LIMA1: variants seen among roughly 807,000 people sequenced by gnomAD.
LIMA1 encodes LIM domain and actin-binding protein 1.
A neutral mutation model predicts 62.6 loss-of-function variants in LIMA1; 52 were observed. The observed-to-expected ratio is 0.83, with a 90% CI of 0.67 to 1.05. The LOEUF (loss-of-function observed/expected upper bound fraction) is 1.05. Among genes scored for constraint, LIMA1 ranks in the 50% least tolerant of loss-of-function variants. LIMA1 has a pLI of 0.00. For missense variants in LIMA1, 780 were observed against 902.2 expected (o/e 0.86, Z 1.74); for synonymous variants, 302 against 317.8 (o/e 0.95, Z 0.53).
At chr12:50,240,270 G>C (rs1565854844) in intron 2 of LIMA1, among the ~76,000 whole-genome samples, 1 of 152,134 alleles carries the variant, frequency 6.6e-6, no homozygotes, top group Non-Finnish European at 1.5e-5. Flanking sequence ...AGCTCACTGA[G>C]AGGGGAAAGG....
intron 1 of LIMA1, among the ~76,000 whole-genome samples, chr12:50,261,318 C>T (rs969611186): frequency 1.3e-5 from 2 of 151,900 alleles, no homozygotes; most frequent in African/African-American, 4.8e-5. Flanking sequence ...TCCCCAAGTG[C>T]TGGGATTAGA....
chr12:50,222,216 G>C lies in LIMA1; in HGVS notation c.435C>G (p.Ile145Met). ...EALVQGRYPH[I>M]KDGEDLKDHS... ...GGTCTTTAAGATCCTCACCGTCCTT[G>C]ATGTGGGGATATCGACCCTGAACGA... The change falls in exon 4 of 11, where the codon ATC becomes ATG. Residue 145 changes from isoleucine (I) to methionine (M), a missense_variant. Transcript: ENST00000341247. 1 of 1,614,148 alleles carries C rather than the reference G, an allele frequency of 6.2e-7. No individual in the cohort carries two copies. Among genetic ancestry groups the C allele is most frequent in the East Asian group, 2.2e-5 (1 of 44,892 alleles).
At chr12:50,234,428 C>T (rs184387315) in intron 2 of LIMA1, among the ~76,000 whole-genome samples, 13 of 152,074 alleles carry the variant, frequency 8.5e-5, no homozygotes, top group East Asian at 7.8e-4. Context: ...AGGCTTGTCT[C>T]GAACTCCTGG....
At chr12:50,230,594 G>C (rs1283305526) in intron 3 of LIMA1, among the ~76,000 whole-genome samples, 2 of 151,980 alleles carry the variant, frequency 1.3e-5, no homozygotes, top group Non-Finnish European at 2.9e-5. Flanking sequence ...TTGAGACAGA[G>C]TCTCGCTCTG....
rs769165232 is a variant in LIMA1, at chr12:50,222,353, T to C, written c.298A>G (p.Arg100Gly). Residue 100 changes from arginine to glycine, a missense_variant, in exon 4 of 11, where the codon AGA becomes GGA. Physicochemically the swap from Arg to Gly is moderately radical, Grantham distance 125 (BLOSUM62 -2). Coordinates refer to ENST00000341247, the MANE Select transcript of LIMA1 (RefSeq NM_016357.5). ...LRNSSTEIRH[R>G]ADHPPAEVTS... ...ACTTCAGCAGGAGGATGGTCTGCTC[T>C]GTGCCTAATCTCAGTGCTGCTGTTC... 3 of 1,614,172 alleles carry C rather than the reference T, an allele frequency of 1.9e-6. No individual in the cohort carries two copies. Among genetic ancestry groups the C allele is most frequent in the Non-Finnish European group, 2.5e-6 (3 of 1,180,032 alleles).
In LIMA1 at chr12:50,195,873, C is replaced by T. The variant is rs761847806; in HGVS notation, c.987G>A (p.Glu329=). 77 of 1,295,110 alleles carry T rather than the reference C, an allele frequency of 5.9e-5. No individual in the cohort carries two copies. The highest frequency in any genetic ancestry group is 6.1e-5 in the Non-Finnish European group (57 of 931,916). The allele number at this position is 1,295,110 out of a possible 1,614,324, so 80.2% of individuals were successfully genotyped here. Residue 329 remains glutamate, a synonymous_variant, in exon 8 of 11, where the codon GAG becomes GAA. Transcript: ENST00000341247. ...HQEGEKISAN[E]NSLAVRSTPA... Reference sequence around the variant, plus strand: ...GGGTGGAACGGACTGCCAGGCTATTCTCATTTGCAGAAATCTACAAAAAAA... The same window carrying T: ...GGGTGGAACGGACTGCCAGGCTATTTTCATTTGCAGAAATCTACAAAAAAA...
intron 1 of LIMA1, among the ~76,000 whole-genome samples, chr12:50,253,746 G>T (rs1237188731): frequency 1.3e-5 from 2 of 152,088 alleles, no homozygotes; most frequent in East Asian, 3.9e-4. Context: ...TGGTATTGGG[G>T]CCAGCATGGT....
intron 9 of LIMA1, 79 bp downstream of exon 9, chr12:50,192,373 A>G: frequency 1.0e-6 from 1 of 1,004,952 alleles, no homozygotes. Flanking sequence ...GTTATAATCA[A>G]CATCATCATC....
At chr12:50,261,419 C>T (rs1942072051) in intron 1 of LIMA1, among the ~76,000 whole-genome samples, 1 of 152,018 alleles carries the variant, frequency 6.6e-6, no homozygotes, top group African/African-American at 2.4e-5. Context: ...ATGGATTTTG[C>T]ACAAGCTTTT....
At chr12:50,242,039 T>G (rs1941785858) in intron 2 of LIMA1, among the ~76,000 whole-genome samples, 1 of 134,238 alleles carries the variant, frequency 7.4e-6, no homozygotes, top group South Asian at 2.6e-4. Flanking sequence ...TGCTCAGCTG[T>G]GGGGCAGGCA....
In LIMA1 at chr12:50,232,809, A is replaced by G. The variant is rs1325119924; in HGVS notation, c.120-1099T>C. Among the ~76,000 whole-genome samples the G allele has an allele frequency of 2.6e-5, 4 of 152,200 alleles. No homozygotes were observed. In the East Asian group the frequency reaches 7.7e-4, roughly 29 times the overall value. On this transcript the variant is annotated intron_variant, in intron 2 of 10. Transcript: ENST00000341247. ...CAAGACCAGCCTGGCCAGCATGGTG[A>G]AACCCCACCTCTACTAAAAATACAA...
In LIMA1 at chr12:50,248,692, G is replaced by A; in HGVS notation, c.60C>T (p.Ala20=). The change falls in exon 2 of 11, where the codon GCC becomes GCT. Residue 20 remains alanine (A), a synonymous_variant. Coordinates refer to ENST00000341247, the MANE Select transcript of LIMA1 (RefSeq NM_016357.5). ...QWTSLSLRVT[A]KELSLVNKNK... is the part of the protein sequence containing the mutation. ...TCTTGTTGACAAGAGAAAGTTCTTT[G>A]GCTGTTACCCTCAATGATAGTGAGG... 6.2e-7 allele frequency: 1 copy of A among 1,613,764 alleles called. No individual in the cohort carries two copies. The highest frequency in any genetic ancestry group is 8.5e-7 in the Non-Finnish European group (1 of 1,179,678).
chr12:50,207,231 G>C (rs563794253), intron 4 of LIMA1, among the ~76,000 whole-genome samples: 3 of 152,070 alleles, frequency 2.0e-5, no homozygotes, highest in Non-Finnish European at 4.4e-5. Flanking sequence ...GGCCAACAAA[G>C]ATTTTTTTTA....
chr12:50,261,153 C>T lies in LIMA1; in HGVS notation c.-23-12379G>A, dbSNP rs573754915. On this transcript the variant is annotated intron_variant, in intron 1 of 10. Coordinates refer to ENST00000341247, the MANE Select transcript of LIMA1 (RefSeq NM_016357.5). Reference sequence around the variant, plus strand: ...CTGCAAGCTCCGCCTCCCGGGTTCACGTCATTCTCCTGCCTTAGCCTCCCG... The same window carrying T: ...CTGCAAGCTCCGCCTCCCGGGTTCATGTCATTCTCCTGCCTTAGCCTCCCG... Among the ~76,000 whole-genome samples, 542 of 146,450 alleles carry T rather than the reference C, an allele frequency of 3.7e-3. 2 individuals are homozygous for T. The highest frequency in any genetic ancestry group is 0.013 in the African/African-American group (507 of 39,308).
intron 3 of LIMA1, among the ~76,000 whole-genome samples, chr12:50,227,263 G>C (rs1466026869): frequency 4.9e-4 from 58 of 118,474 alleles, no homozygotes; most frequent in Non-Finnish European, 4.0e-4. Context: ...TTTTGAGATG[G>C]AGTCTTGCTC....
Position 50,177,313 on chromosome 12 carries a change from C to T in LIMA1, c.2031G>A (p.Glu677=). 6.2e-7 allele frequency: 1 copy of T among 1,614,232 alleles called. No homozygotes were observed. Among genetic ancestry groups the T allele is most frequent in the African/African-American group, 1.3e-5 (1 of 75,054 alleles). ...KEGHSLEMEN[E]NLVENGADSD... is the part of the protein sequence containing the mutation. ...AGTCTGCACCATTTTCTACAAGATT[C>T]TCATTCTCCATCTCCAAACTATGAC... The change falls in exon 11 of 11, where the codon GAG becomes GAA. Residue 677 remains glutamate (E), a synonymous_variant. Transcript: ENST00000341247.
chr12:50,200,913 T>C, intron 6 of LIMA1, 29 bp from the exon 7 acceptor site: 2 of 1,608,644 alleles, frequency 1.2e-6, no homozygotes, highest in Non-Finnish European at 1.7e-6. Flanking sequence ...TGTAAAAATT[T>C]TTTTAAAGTC....
At chr12:50,265,332 C>A (rs1158956986) in intron 1 of LIMA1, among the ~76,000 whole-genome samples, 10 of 151,790 alleles carry the variant, frequency 6.6e-5, no homozygotes. Context: ...ACCAGTCTGA[C>A]CAACATGGAG....
Position 50,195,822 on chromosome 12 carries a change from A to G in LIMA1, c.1030+8T>C. 6.3e-7 allele frequency: 1 copy of G among 1,594,038 alleles called. No homozygotes were observed. Among genetic ancestry groups the G allele is most frequent in the Non-Finnish European group, 8.5e-7 (1 of 1,172,972 alleles). On this transcript the variant is annotated splice_region_variant and intron_variant, in intron 8 of 10. Coordinates refer to ENST00000341247, the MANE Select transcript of LIMA1 (RefSeq NM_016357.5). Reference sequence around the variant, plus strand: ...CCTCATCCTCCAGATCTAAGAAAGAATGCTTACGGGAGTCATCTTCGGCAG... The same window carrying G: ...CCTCATCCTCCAGATCTAAGAAAGAGTGCTTACGGGAGTCATCTTCGGCAG...
Sources: gnomAD v4.1 joint callset for allele counts (sites outside exome capture counted in the v4.1 genomes callset) on GRCh38, gnomAD v4.1.1 for gene constraint, MANE v1.5 for transcripts, NCBI Gene and HGNC (gene_info 2026-07-23, HGNC 2026-07-21) for gene names.